Variants in ST8SIA6 observed in about 807,000 individuals in gnomAD.
ST8SIA6 encodes the protein alpha-2,8-sialyltransferase 8F.
In ST8SIA6, 39 loss-of-function variants were observed where a neutral mutation model predicts 33.6. The ratio of observed to expected loss-of-function variants is 1.16; its 90% confidence interval spans 0.90 to 1.52. The LOEUF (loss-of-function observed/expected upper bound fraction) is 1.52, where lower values mean the gene tolerates loss of function less well. ST8SIA6 is among the 40% of genes most tolerant of loss of function. ST8SIA6 has a pLI of 0.00. For synonymous variants in ST8SIA6, 172 were observed against 167.2 expected (o/e 1.03, Z -0.22); for missense variants, 441 against 443.8 (o/e 0.99, Z 0.06).
intron 4 of ST8SIA6, among the ~76,000 whole-genome samples, chr10:17,347,953 C>CAAAAAAAAAAAAAAAAAAAAAA (rs55996465): frequency 1.2e-4 from 8 of 68,636 alleles, no homozygotes; most frequent in Admixed American, 1.8e-4. Flanking sequence ...GACTCTGTCT[C>CAAAAAAAAAAAAAAAAAAAAAA]AAAAAAAAAA....
intron 2 of ST8SIA6, among the ~76,000 whole-genome samples, chr10:17,410,807 C>G (rs1035146711): frequency 2.0e-5 from 3 of 152,180 alleles, no homozygotes; most frequent in African/African-American, 7.2e-5. Context: ...ATTTAATTAA[C>G]TAGAAAAACT....
At chr10:17,399,262 G>A (rs1219526769) in intron 2 of ST8SIA6, 1 of 152,176 alleles carries the variant, frequency 6.6e-6, no homozygotes, top group Non-Finnish European at 1.5e-5. Context: ...GAAGCAAACA[G>A]CCTGGTGGGG....
chr10:17,369,895 T>G (rs1418110221), intron 3 of ST8SIA6, among the ~76,000 whole-genome samples: 1 of 152,228 alleles, frequency 6.6e-6, no homozygotes, highest in African/African-American at 2.4e-5. Context: ...TTTTCCATCC[T>G]TTTACTTTCA....
intron 4 of ST8SIA6, among the ~76,000 whole-genome samples, chr10:17,332,125 A>T (rs1230966462): frequency 6.6e-6 from 1 of 152,128 alleles, no homozygotes; most frequent in Admixed American, 6.5e-5. Context: ...ACATGATCTC[A>T]TTCCTTTTTA....
At chr10:17,329,131 A>G (rs539092878) in intron 5 of ST8SIA6, among the ~76,000 whole-genome samples, 23 of 152,360 alleles carry the variant, frequency 1.5e-4, no homozygotes, top group Non-Finnish European at 3.2e-4. Context: ...ACTCGGTTTC[A>G]GTACAACTCT....
rs1853052006 is a variant in ST8SIA6, at chr10:17,454,535, C to T, written c.-280G>A. ...AGATGACGATTCGCCGAGCTCGCCGCCTGTCCTCCCGGAGGCGCTCGGAGC... is the reference window on the plus strand; with the variant it reads ...AGATGACGATTCGCCGAGCTCGCCGTCTGTCCTCCCGGAGGCGCTCGGAGC... On this transcript the variant is annotated 5_prime_UTR_variant, in exon 1 of 8. Transcript: ENST00000377602. The surrounding 1 kb of genome is among the most constrained non-coding windows in gnomAD (Gnocchi z 4.1). Among the ~76,000 whole-genome samples, 2 of 151,982 alleles carry T rather than the reference C, an allele frequency of 1.3e-5. No individual in the cohort carries two copies. The highest frequency in any genetic ancestry group is 2.9e-5 in the Non-Finnish European group (2 of 67,904).
intron 5 of ST8SIA6, among the ~76,000 whole-genome samples, chr10:17,330,968 T>A (rs1264925815): frequency 6.6e-6 from 1 of 152,206 alleles, no homozygotes; most frequent in African/African-American, 2.4e-5. Context: ...TATCTTATGG[T>A]GGGTACGTTT....
intron 2 of ST8SIA6, among the ~76,000 whole-genome samples, chr10:17,397,977 T>C (rs970435058): frequency 2.0e-5 from 3 of 152,238 alleles, no homozygotes; most frequent in African/African-American, 7.2e-5. Context: ...ACTGACAAGA[T>C]TCCACAGAAT....
intron 4 of ST8SIA6, among the ~76,000 whole-genome samples, chr10:17,358,029 G>A (rs545734456): frequency 1.3e-5 from 2 of 152,208 alleles, no homozygotes; most frequent in East Asian, 3.9e-4. Flanking sequence ...CAAATAGATT[G>A]AATTTGGCAT....
chr10:17,393,108 A>T (rs1053084435), intron 2 of ST8SIA6, among the ~76,000 whole-genome samples: 5 of 152,154 alleles, frequency 3.3e-5, no homozygotes, highest in African/African-American at 1.2e-4. Flanking sequence ...TTGAGCTGGG[A>T]CGTCGTTTTC....
intron 2 of ST8SIA6, among the ~76,000 whole-genome samples, chr10:17,400,695 T>C (rs1851005062): frequency 6.6e-6 from 1 of 152,158 alleles, no homozygotes; most frequent in Non-Finnish European, 1.5e-5. Flanking sequence ...ATTATCTCAA[T>C]AGATGCAGAA....
chr10:17,449,675 C>T (rs1023348926), intron 2 of ST8SIA6, among the ~76,000 whole-genome samples: 15 of 152,152 alleles, frequency 9.9e-5, no homozygotes, highest in Admixed American at 6.5e-5. Context: ...AATCCTTTGC[C>T]TCTAGTCCCC....
intron 3 of ST8SIA6, among the ~76,000 whole-genome samples, chr10:17,371,783 T>TAA (rs747851635): frequency 3.2e-4 from 31 of 98,380 alleles, no homozygotes; most frequent in African/African-American, 4.7e-4. Context: ...AAGACTCCAT[T>TAA]AAAAAAAAAA....
At position 17,319,192 on chromosome 10, in the gene ST8SIA6, A is replaced by G. The variant is rs1847864255; in HGVS notation, c.*1686T>C. On this transcript the variant is annotated 3_prime_UTR_variant, in exon 8 of 8. Transcript: ENST00000377602. Reference sequence around the variant, plus strand: ...ATATCGATAATACACCACATCAGCTATGTAAATCATAAAACATGCGTCACA... The same window carrying G: ...ATATCGATAATACACCACATCAGCTGTGTAAATCATAAAACATGCGTCACA... Among the ~76,000 whole-genome samples, 1 of 152,362 alleles carries G rather than the reference A, an allele frequency of 6.6e-6. No homozygotes were observed. Among genetic ancestry groups the G allele is most frequent in the East Asian group, 1.9e-4 (1 of 5,192 alleles).
In ST8SIA6 at chr10:17,453,571, C is replaced by T. The variant is rs1485920384; in HGVS notation, c.188G>A (p.Arg63His). 9 of 1,319,482 alleles carry T rather than the reference C, an allele frequency of 6.8e-6. No individual in the cohort carries two copies. The Admixed American group carries it at 2.7e-4, about 40-fold the overall frequency. 81.7% of individuals were successfully genotyped at this position (1,319,482 alleles called of 1,614,324 possible). ...GGCGCCGCTGTACCTGTTAGTGGCG[C>T]GCGGTACCGCGGTCGCCGGGCTCCG... ...TLRSPATAVP[R>H]ATNSTYLNEK... Residue 63 changes from arginine to histidine, a missense_variant, in exon 2 of 8, where the codon CGC (arginine) becomes CAC (histidine). Coordinates refer to ENST00000377602, the MANE Select transcript of ST8SIA6 (RefSeq NM_001004470.3).
intron 4 of ST8SIA6, among the ~76,000 whole-genome samples, chr10:17,334,342 A>G (rs1433765028): frequency 6.6e-6 from 1 of 151,474 alleles, no homozygotes; most frequent in East Asian, 1.9e-4. Flanking sequence ...GATCGAGACC[A>G]TCCTGGCTAA....
At chr10:17,349,428 A>G (rs186185161) in intron 4 of ST8SIA6, among the ~76,000 whole-genome samples, 1 of 152,358 alleles carries the variant, frequency 6.6e-6, no homozygotes, top group East Asian at 1.9e-4. Flanking sequence ...TAAACTGGAA[A>G]TAATCAGAAT....
chr10:17,338,031 CTTTTTTTT>C (rs71393003), intron 4 of ST8SIA6, among the ~76,000 whole-genome samples: 2 of 131,460 alleles, frequency 1.5e-5, no homozygotes, highest in Admixed American at 7.9e-5. Flanking sequence ...AAATACTATT[CTTTTTTTT>C]TTTTTTTTTT....
rs894535918 is a variant in ST8SIA6, at chr10:17,315,483, A to G, written c.*5395T>C. Among the ~76,000 whole-genome samples the G allele has an allele frequency of 6.6e-6, 1 of 152,068 alleles. No homozygotes were observed. Among genetic ancestry groups the G allele is most frequent in the Non-Finnish European group, 1.5e-5 (1 of 67,904 alleles). The stretch of plus-strand genomic sequence containing the variant: ...CCAGGAGATAGTAAAATGTTCATCA[A>G]CAAATGAGCAGATAAGCCAACTGTG... On this transcript the variant is annotated 3_prime_UTR_variant, in exon 8 of 8. Coordinates refer to ENST00000377602, the MANE Select transcript of ST8SIA6 (RefSeq NM_001004470.3).
Sources: gnomAD v4.1 joint callset for allele counts (sites outside exome capture counted in the v4.1 genomes callset) on GRCh38, gnomAD v4.1.1 for gene constraint, Gnocchi (gnomAD v3.1) non-coding constraint, MANE v1.5 for transcripts, NCBI Gene and HGNC (gene_info 2026-07-23, HGNC 2026-07-21) for gene names.